The following FOXN3 variants were observed in gnomAD, a reference collection of about 807,000 sequenced individuals.
FOXN3 encodes forkhead box protein N3.
Under a neutral mutation model 38.4 loss-of-function variants are expected in FOXN3, and 7 were observed. The ratio of observed to expected loss-of-function variants is 0.18; its 90% CI spans 0.10 to 0.34. The LOEUF (loss-of-function observed/expected upper bound fraction) is 0.34, where lower values mean the gene tolerates loss of function less well. FOXN3 is among the 10% of genes least tolerant of loss of function. FOXN3 has a pLI of 1.00. For missense variants in FOXN3, 456 were observed against 613.4 expected (o/e 0.74, Z 2.71); for synonymous variants, 230 against 242.2 (o/e 0.95, Z 0.47).
chr14:89,404,204 G>A (rs573461869), intron 2 of FOXN3, among the ~76,000 whole-genome samples: 13 of 152,176 alleles, frequency 8.5e-5, no homozygotes, highest in Non-Finnish European at 1.5e-4. Context: ...CGAACAGTCT[G>A]GAAGGAACAA....
chr14:89,278,430 A>G (rs1463777677), intron 4 of FOXN3, among the ~76,000 whole-genome samples: 1 of 152,136 alleles, frequency 6.6e-6, no homozygotes, highest in Non-Finnish European at 1.5e-5. Context: ...TTATTTTCCT[A>G]TCCTGCATTA....
chr14:89,300,746 G>A (rs1234894153), intron 3 of FOXN3, among the ~76,000 whole-genome samples: 1 of 152,128 alleles, frequency 6.6e-6, no homozygotes, highest in Non-Finnish European at 1.5e-5. Flanking sequence ...CCTAATCTGG[G>A]CACTCAATTG....
At chr14:89,204,087 ACACACACACACACAC>A (rs1293560818) in intron 4 of FOXN3, among the ~76,000 whole-genome samples, 24 of 149,722 alleles carry the variant, frequency 1.6e-4, no homozygotes, top group African/African-American at 6.1e-4. Context: ...ACACACACAC[ACACACACACACACAC>A]AACTACTACT....
At chr14:89,189,706 T>TA (rs1887897576) in intron 4 of FOXN3, among the ~76,000 whole-genome samples, 1 of 152,176 alleles carries the variant, frequency 6.6e-6, no homozygotes, top group Non-Finnish European at 1.5e-5. Flanking sequence ...CCAGAGATGG[T>TA]AAAAACCTCA....
chr14:89,350,638 A>G, intron 3 of FOXN3, 34 bp downstream of exon 3: 1 of 1,480,358 alleles, frequency 6.8e-7, no homozygotes, highest in Non-Finnish European at 9.0e-7. Flanking sequence ...ATGCCATTTC[A>G]GTAGACCAAA....
chr14:89,413,735 A>G (rs552438539), intron 1 of FOXN3, among the ~76,000 whole-genome samples: 10 of 140,328 alleles, frequency 7.1e-5, no homozygotes, highest in African/African-American at 2.6e-4. Flanking sequence ...GGGGAAGGGA[A>G]GGGAGAAGGG....
At chr14:89,420,297 A>G (rs1366619371), upstream of FOXN3, among the ~76,000 whole-genome samples, 2 of 152,208 alleles carry the variant, frequency 1.3e-5, no homozygotes, top group Non-Finnish European at 2.9e-5. Context: ...CCCTACGCGC[A>G]TGGCCCCCCA....
chr14:89,462,687 C>CT lies in FOXN3; in HGVS notation c.-14-50198dup, dbSNP rs1231830649. Among the ~76,000 whole-genome samples, 233 of 140,270 alleles carry CT rather than the reference C, an allele frequency of 1.7e-3. 1 individual carries two copies. The highest frequency in any genetic ancestry group is 2.7e-3 in the African/African-American group (103 of 38,598). 92.0% of individuals were successfully genotyped at this position (140,270 alleles called of 152,430 possible). ...TTCTCAGGTCTCTCTTCCTCTTCTTCTTTTTTTTTTTTTTTGAGATGGAGT... is the reference window on the plus strand; with the variant it reads ...TTCTCAGGTCTCTCTTCCTCTTCTTCTTTTTTTTTTTTTTTTGAGATGGAGT... On this transcript the variant is annotated intron_variant, in intron 1 of 6. Transcript: ENST00000345097.
At chr14:89,533,323 G>T (rs1247703115) in intron 1 of FOXN3, among the ~76,000 whole-genome samples, 2 of 152,090 alleles carry the variant, frequency 1.3e-5, no homozygotes, top group Admixed American at 1.3e-4. Flanking sequence ...TCTCAAAAGC[G>T]CAATCCAGGG....
intron 1 of FOXN3, among the ~76,000 whole-genome samples, chr14:89,500,356 G>A (rs1893770647): frequency 6.6e-6 from 1 of 152,172 alleles, no homozygotes; most frequent in Non-Finnish European, 1.5e-5. Context: ...GAAGTCTGAG[G>A]ACCACTCACC....
rs1309709268 is a variant in FOXN3 at position 89,164,914 on chromosome 14, G to A, written c.852-1945C>T. Among the ~76,000 whole-genome samples, 1 of 151,998 alleles carries A rather than the reference G, an allele frequency of 6.6e-6. No homozygotes were observed. Among genetic ancestry groups the A allele is most frequent in the Non-Finnish European group, 1.5e-5 (1 of 67,990 alleles). On this transcript the variant is annotated intron_variant, in intron 5 of 5. Coordinates refer to ENST00000557258, the MANE Select transcript of FOXN3 (RefSeq NM_005197.4). This position sits in a 1 kb window ranked among gnomAD's most constrained non-coding sequence, Gnocchi z 4.3. ...GTCCCTAATGAAAAGGGTGCAGTAG[G>A]GAGTGAGGCGAAGGAGCTGCTCTCC... is the stretch of plus-strand genomic sequence containing the variant.
At chr14:89,601,980 A>C (rs1896161846) in intron 1 of FOXN3, among the ~76,000 whole-genome samples, 1 of 152,182 alleles carries the variant, frequency 6.6e-6, no homozygotes, top group Non-Finnish European at 1.5e-5. Flanking sequence ...GACTAATCTG[A>C]TGTCCCATGG....
chr14:89,554,666 A>T (rs1895076606), intron 1 of FOXN3, among the ~76,000 whole-genome samples: 1 of 152,238 alleles, frequency 6.6e-6, no homozygotes, highest in African/African-American at 2.4e-5. Context: ...AGAACAAACA[A>T]GAAACAACAA....
intron 1 of FOXN3, among the ~76,000 whole-genome samples, chr14:89,497,657 C>T (rs993883210): frequency 6.6e-6 from 1 of 151,406 alleles, no homozygotes; most frequent in African/African-American, 2.4e-5. Flanking sequence ...CCTACCTCAG[C>T]CTCCCCAAGT....
At chr14:89,357,819 C>T (rs748501414) in intron 2 of FOXN3, among the ~76,000 whole-genome samples, 2 of 152,116 alleles carry the variant, frequency 1.3e-5, no homozygotes, top group South Asian at 2.1e-4. Flanking sequence ...AATTGCCTAA[C>T]GACGTATTTC....
At chr14:89,415,926 CTTTA>C (rs1436185582) in intron 1 of FOXN3, among the ~76,000 whole-genome samples, 2 of 150,776 alleles carry the variant, frequency 1.3e-5, no homozygotes, top group Non-Finnish European at 2.9e-5. Flanking sequence ...TTGTTACCCT[CTTTA>C]TTTTTTAACG....
chr14:89,352,163 C>T (rs994185011), intron 2 of FOXN3, among the ~76,000 whole-genome samples: 9 of 152,330 alleles, frequency 5.9e-5, no homozygotes, highest in African/African-American at 1.7e-4. Flanking sequence ...AGGTCAGAGT[C>T]TGGCTGGACA....
intron 1 of FOXN3, among the ~76,000 whole-genome samples, chr14:89,503,932 C>T (rs1207332462): frequency 6.6e-6 from 1 of 152,178 alleles, no homozygotes; most frequent in African/African-American, 2.4e-5. Context: ...ATATCAAGCC[C>T]ATCGGATTTG....
At chr14:89,375,721 A>G (rs1241071277) in intron 2 of FOXN3, among the ~76,000 whole-genome samples, 2 of 152,094 alleles carry the variant, frequency 1.3e-5, no homozygotes, top group Non-Finnish European at 2.9e-5. Flanking sequence ...AAATAATAAT[A>G]CCCCAGCTAT....
Sources: gnomAD v4.1 joint callset for allele counts (sites outside exome capture counted in the v4.1 genomes callset) on GRCh38, gnomAD v4.1.1 for gene constraint, Gnocchi (gnomAD v3.1) non-coding constraint, MANE v1.5 for transcripts, NCBI Gene and HGNC (gene_info 2026-07-23, HGNC 2026-07-21) for gene names.